Variants in MKLN1 observed in about 807,000 individuals in gnomAD.
MKLN1 encodes the protein muskelin.
A neutral mutation model predicts 99.0 loss-of-function variants in MKLN1; 18 were observed. That is an observed-to-expected ratio of 0.18 (90% CI 0.13 to 0.27). MKLN1 has a LOEUF of 0.27. Among genes scored for constraint, MKLN1 ranks in the 10% least tolerant of loss-of-function variants. MKLN1 has a pLI of 1.00. For synonymous variants in MKLN1, 288 were observed against 293.2 expected (o/e 0.98, Z 0.18); for missense variants, 621 against 875.9 (o/e 0.71, Z 3.67).
intron 2 of MKLN1, among the ~76,000 whole-genome samples, chr7:131,197,038 C>T (rs923538390): frequency 1.4e-4 from 22 of 152,172 alleles, no homozygotes; most frequent in African/African-American, 4.6e-4. Context: ...CTTTTCCACA[C>T]GCCCCATCCT....
At chr7:131,404,925 AAAAC>A (rs58745921) in intron 6 of MKLN1, among the ~76,000 whole-genome samples, 79 of 151,016 alleles carry the variant, frequency 5.2e-4, no homozygotes, top group Admixed American at 3.0e-3. Flanking sequence ...ATACTTGGTT[AAAAC>A]AAACAAACAA....
intron 3 of MKLN1, among the ~76,000 whole-genome samples, chr7:131,222,690 A>G (rs763583460): frequency 5.9e-5 from 9 of 152,060 alleles, no homozygotes; most frequent in Non-Finnish European, 1.2e-4. Context: ...TAAGGGCACA[A>G]GGAAGCCATT....
chr7:131,217,351 T>G (rs1796997772), intron 3 of MKLN1, among the ~76,000 whole-genome samples: 2 of 152,232 alleles, frequency 1.3e-5, no homozygotes, highest in African/African-American at 4.8e-5. Flanking sequence ...AACAGATCCC[T>G]GTGCAACTAA....
At chr7:131,166,319 C>T (rs1563237884) in intron 2 of MKLN1, among the ~76,000 whole-genome samples, 5 of 152,228 alleles carry the variant, frequency 3.3e-5, no homozygotes, top group Non-Finnish European at 4.4e-5. Flanking sequence ...AGTTTGATTT[C>T]GAGCACATTT....
intron 17 of MKLN1, among the ~76,000 whole-genome samples, chr7:131,483,875 T>G (rs1797193852): frequency 6.6e-6 from 1 of 152,218 alleles, no homozygotes; most frequent in African/African-American, 2.4e-5. Context: ...ACCACAAGTA[T>G]TGGTTTGGGG....
At chr7:131,146,675 T>C (rs1795818797) in intron 2 of MKLN1, among the ~76,000 whole-genome samples, 1 of 152,188 alleles carries the variant, frequency 6.6e-6, no homozygotes, top group Non-Finnish European at 1.5e-5. Context: ...AACCTCAATA[T>C]ATTGTGCCTG....
At chr7:131,296,025 A>G (rs1798286513) in intron 3 of MKLN1, among the ~76,000 whole-genome samples, 1 of 152,248 alleles carries the variant, frequency 6.6e-6, no homozygotes, top group South Asian at 2.1e-4. Context: ...TAGTTTTGGC[A>G]AAGTTACAGT....
At chr7:131,160,963 T>C (rs1273888858) in intron 2 of MKLN1, among the ~76,000 whole-genome samples, 1 of 152,208 alleles carries the variant, frequency 6.6e-6, no homozygotes, top group Admixed American at 6.5e-5. Context: ...AATATGATGG[T>C]GTCTCCTTCT....
At chr7:131,423,406 C>A (rs1292086460) in intron 8 of MKLN1, among the ~76,000 whole-genome samples, 1 of 152,212 alleles carries the variant, frequency 6.6e-6, no homozygotes, top group East Asian at 1.9e-4. Context: ...AGTCTCAGCT[C>A]ACTGCAACCT....
intron 4 of MKLN1, among the ~76,000 whole-genome samples, chr7:131,389,563 A>G (rs1794133931): frequency 6.6e-6 from 1 of 151,990 alleles, no homozygotes; most frequent in African/African-American, 2.4e-5. Flanking sequence ...TAAGGCATGT[A>G]TTTATTTAGC....
intron 3 of MKLN1, among the ~76,000 whole-genome samples, chr7:131,207,079 G>A (rs1796823933): frequency 1.3e-5 from 2 of 152,174 alleles, no homozygotes; most frequent in African/African-American, 2.4e-5. Context: ...GAATACAGAA[G>A]AGGCATTTAC....
intron 1 of MKLN1, among the ~76,000 whole-genome samples, chr7:131,137,044 G>A (rs911445175): frequency 1.3e-5 from 2 of 151,986 alleles, no homozygotes; most frequent in Non-Finnish European, 2.9e-5. Flanking sequence ...CCAGCTACGG[G>A]GTCTCCCTGT....
At chr7:131,463,448 G>A in intron 13 of MKLN1, 84 bp downstream of exon 13, 2 of 1,348,016 alleles carry the variant, frequency 1.5e-6, no homozygotes, top group Non-Finnish European at 1.0e-6. Context: ...AGAAATGAGA[G>A]TATTACGTTA....
chr7:131,314,657 C>T (rs1475192782), intron 3 of MKLN1, among the ~76,000 whole-genome samples: 2 of 151,906 alleles, frequency 1.3e-5, no homozygotes, highest in African/African-American at 2.4e-5. Flanking sequence ...CTCCTGACCT[C>T]GTGATCTGCT....
intron 1 of MKLN1, among the ~76,000 whole-genome samples, chr7:131,334,373 T>G (rs1435645951): frequency 6.6e-6 from 1 of 152,192 alleles, no homozygotes; most frequent in African/African-American, 2.4e-5. Flanking sequence ...CCACTGAAAG[T>G]TCTGTGTTTT....
At chr7:131,431,232 A>C (rs770466061) in intron 9 of MKLN1, among the ~76,000 whole-genome samples, 3 of 120,966 alleles carry the variant, frequency 2.5e-5, no homozygotes, top group Non-Finnish European at 6.0e-5. Flanking sequence ...AAAAAAAAAC[A>C]AAAAAAAACA....
chr7:131,176,500 CAA>C (rs1796301342), intron 2 of MKLN1, among the ~76,000 whole-genome samples: 1 of 152,150 alleles, frequency 6.6e-6, no homozygotes, highest in Admixed American at 6.5e-5. Flanking sequence ...GCCTCATTTA[CAA>C]AGTTTTTGTC....
chr7:131,229,024 G>C (rs920366049), intron 3 of MKLN1, among the ~76,000 whole-genome samples: 3 of 152,180 alleles, frequency 2.0e-5, no homozygotes, highest in African/African-American at 7.2e-5. Flanking sequence ...ACATTTTGGA[G>C]AGGCAGGGGT....
At chr7:131,167,353 T>C (rs1314587394) in intron 2 of MKLN1, among the ~76,000 whole-genome samples, 3 of 152,022 alleles carry the variant, frequency 2.0e-5, no homozygotes, top group Non-Finnish European at 4.4e-5. Flanking sequence ...ATTCTGAAAG[T>C]CAATTCTAAG....
Sources: allele counts gnomAD v4.1 joint callset (sites outside exome capture counted in the v4.1 genomes callset), GRCh38; gene constraint gnomAD v4.1.1; transcripts MANE v1.5; gene names NCBI Gene and HGNC (gene_info 2026-07-23, HGNC 2026-07-21).